Variants in NGEF observed in about 807,000 individuals in gnomAD.
NGEF encodes the protein neuronal guanine nucleotide exchange factor, also known as ephexin-1.
A neutral mutation model predicts 80.9 loss-of-function variants in NGEF; 31 were observed. That is an observed-to-expected ratio of 0.38 (90% CI 0.29 to 0.52). NGEF has a LOEUF of 0.52. Among genes scored for constraint, NGEF ranks in the 20% least tolerant of loss-of-function variants. The probability of loss-of-function intolerance (pLI) is 0.84; values close to 1 mark genes in which losing one functional copy is unlikely to be tolerated. For missense variants in NGEF, 709 were observed against 926.2 expected (o/e 0.77, Z 3.04); for synonymous variants, 371 against 370.2 (o/e 1.00, Z -0.03).
chr2:232,994,909 ACATG>A (rs965490098), intron 1 of NGEF, among the ~76,000 whole-genome samples: 5 of 144,354 alleles, frequency 3.5e-5, no homozygotes, highest in African/African-American at 1.3e-4. Context: ...ACATACATAC[ACATG>A]TATTATATAC....
intron 5 of NGEF, among the ~76,000 whole-genome samples, chr2:232,918,809 A>C (rs966349048): frequency 1.3e-5 from 2 of 151,546 alleles, no homozygotes; most frequent in Non-Finnish European, 2.9e-5. Context: ...TTGTATTTTT[A>C]GTAGAGACTG....
chr2:232,987,953 C>T (rs2106332001), intron 1 of NGEF, among the ~76,000 whole-genome samples: 1 of 151,752 alleles, frequency 6.6e-6, no homozygotes, highest in East Asian at 2.0e-4. Flanking sequence ...AATAGGAGAC[C>T]CAAGCTGGAG....
In NGEF at chr2:233,003,101, G is replaced by A. The variant is rs567582471; in HGVS notation, c.-75+9967C>T. On this transcript the variant is annotated intron_variant, in intron 1 of 14. Transcript: ENST00000264051. ...TCCTGCAGTCCTTTTTAGCTGACAC[G>A]TGATTGCCCATGCCCAGGAATCCAT... Among the ~76,000 whole-genome samples the A allele has an allele frequency of 2.6e-4, 39 of 152,308 alleles. 1 individual carries two copies. Among genetic ancestry groups the A allele is most frequent in the Middle Eastern group, 3.4e-3 (1 of 294 alleles).
At chr2:232,988,039 G>C (rs865977197) in intron 1 of NGEF, among the ~76,000 whole-genome samples, 22,762 of 116,446 alleles carry the variant, frequency 0.2, 2,215 homozygotes, top group Non-Finnish European at 0.21. Context: ...ATGGTCTCGT[G>C]TGTGTGTGTG....
intron 3 of NGEF, among the ~76,000 whole-genome samples, chr2:232,935,178 C>T (rs1693304278): frequency 6.6e-6 from 1 of 152,130 alleles, no homozygotes; most frequent in Non-Finnish European, 1.5e-5. Context: ...TAAATTCAGC[C>T]TTCAGGAGTT....
At position 232,988,913 on chromosome 2, in the gene NGEF, T is replaced by A. The variant is rs1694596461; in HGVS notation, c.-74-13949A>T. ...GAAAAAAAGCAAGAATAGAAGAGTA[T>A]ATTTTGTATGTTTCTATCAGCATAA... is the stretch of plus-strand genomic sequence containing the variant. On this transcript the variant is annotated intron_variant, in intron 1 of 14. Transcript: ENST00000264051. Among the ~76,000 whole-genome samples the A allele has an allele frequency of 3.3e-5, 5 of 152,314 alleles. No individual in the cohort carries two copies. In the South Asian group the frequency reaches 1.0e-3, roughly 32 times the overall value.
chr2:232,950,893 G>A (rs944155566), intron 3 of NGEF, among the ~76,000 whole-genome samples: 2 of 152,198 alleles, frequency 1.3e-5, no homozygotes, highest in Non-Finnish European at 2.9e-5. Context: ...AACATGGAAG[G>A]GGAACAGCTG....
At chr2:232,987,127 C>A (rs987091984) in intron 1 of NGEF, among the ~76,000 whole-genome samples, 3 of 152,166 alleles carry the variant, frequency 2.0e-5, no homozygotes, top group African/African-American at 7.2e-5. Flanking sequence ...AGTGATTTTC[C>A]TGCCTCAGCC....
rs773087145 is a variant in NGEF, at chr2:232,881,149, C to T, written c.1939G>A (p.Asp647Asn). Residue 647 changes from aspartate to asparagine, a missense_variant, in exon 14 of 15, where the codon GAC (aspartate) becomes AAC (asparagine). Transcript: ENST00000264051. ...AGGGGAGGTCCCTGGGCCTCACCGTCGTCAGTCTTGTCCAGGATGTTGAGG... is the reference window on the plus strand; with the variant it reads ...AGGGGAGGTCCCTGGGCCTCACCGTTGTCAGTCTTGTCCAGGATGTTGAGG... ...DILNILDKTD[D>N]GWIFGERLHD... The T allele has an allele frequency of 6.2e-6, 10 of 1,612,022 alleles. No individual in the cohort carries two copies. Among genetic ancestry groups the T allele is most frequent in the South Asian group, 1.1e-5 (1 of 91,074 alleles).
chr2:232,995,702 A>T (rs1463928765), intron 1 of NGEF, among the ~76,000 whole-genome samples: 1 of 143,170 alleles, frequency 7.0e-6, no homozygotes, highest in Non-Finnish European at 1.5e-5. Context: ...TGTATGTATT[A>T]TATGTGTATA....
chr2:233,011,786 G>A (rs1447503811), intron 1 of NGEF, among the ~76,000 whole-genome samples: 3 of 152,156 alleles, frequency 2.0e-5, no homozygotes, highest in African/African-American at 7.2e-5. Flanking sequence ...AGCCTCATCT[G>A]TGTCCCCAGC....
chr2:232,897,887 C>T (rs2106241463), intron 5 of NGEF, among the ~76,000 whole-genome samples: 1 of 152,208 alleles, frequency 6.6e-6, no homozygotes, highest in East Asian at 1.9e-4. Context: ...CTGAAATGAG[C>T]CTGTGGCCTC....
chr2:232,931,110 G>A (rs1334615369), intron 3 of NGEF, among the ~76,000 whole-genome samples: 1 of 152,190 alleles, frequency 6.6e-6, no homozygotes, highest in African/African-American at 2.4e-5. Flanking sequence ...AAGAGAGAGA[G>A]GAAGGAAGGA....
At position 232,879,344 on chromosome 2, in the gene NGEF, C is replaced by T. The variant is rs1220713916; in HGVS notation, c.*145G>A. 5 of 753,622 alleles carry T rather than the reference C, an allele frequency of 6.6e-6. No homozygotes were observed. The highest frequency in any genetic ancestry group is 2.6e-5 in the Admixed American group (1 of 38,024). 46.7% of individuals were successfully genotyped at this position (753,622 alleles called of 1,614,324 possible). On this transcript the variant is annotated 3_prime_UTR_variant, in exon 15 of 15. Coordinates refer to ENST00000264051, the MANE Select transcript of NGEF (RefSeq NM_019850.3). ...GGCCAAGACACATGAGCACTCACTGCGTGGGCAGGGATGAGGGCCGGGCAC... is the reference window on the plus strand; with the variant it reads ...GGCCAAGACACATGAGCACTCACTGTGTGGGCAGGGATGAGGGCCGGGCAC...
At chr2:232,917,043 C>T (rs537968293) in intron 5 of NGEF, among the ~76,000 whole-genome samples, 24 of 152,318 alleles carry the variant, frequency 1.6e-4, no homozygotes, top group African/African-American at 5.5e-4. Flanking sequence ...TTGCATTCCT[C>T]GAACTTATTC....
intron 14 of NGEF, 152 bp from the exon 15 acceptor site, chr2:232,879,831 G>T (rs375781853): frequency 1.5e-6 from 1 of 663,640 alleles, no homozygotes. Flanking sequence ...CACCTCTGCC[G>T]AGATGCTCAG....
chr2:232,906,269 G>A lies in NGEF; in HGVS notation c.829-11353C>T, dbSNP rs1004631614. 7.6e-3 allele frequency among the ~76,000 whole-genome samples: 959 copies of A among 126,396 alleles called. 13 individuals carry two copies. The highest frequency in any genetic ancestry group is 0.015 in the Middle Eastern group (3 of 202). 82.9% of individuals were successfully genotyped at this position (126,396 alleles called of 152,430 possible). A position where few individuals can be genotyped will look rare whatever the true frequency, so the allele number is the denominator to read the frequency against. On this transcript the variant is annotated intron_variant, in intron 5 of 14. Coordinates refer to ENST00000264051, the MANE Select transcript of NGEF (RefSeq NM_019850.3). ...AGCCGCCCCATCCGGGAGGTGAGGG[G>A]CGCCTCTGCCCGGCAGCCCCTACTG... is the stretch of plus-strand genomic sequence containing the variant.
intron 1 of NGEF, among the ~76,000 whole-genome samples, chr2:232,983,526 C>T (rs944945903): frequency 1.3e-5 from 2 of 152,092 alleles, no homozygotes; most frequent in African/African-American, 4.8e-5. Flanking sequence ...CAGAGGCCTG[C>T]AGGAGGGAAG....
intron 3 of NGEF, among the ~76,000 whole-genome samples, chr2:232,964,870 C>A (rs1279619073): frequency 6.6e-6 from 1 of 152,160 alleles, no homozygotes; most frequent in African/African-American, 2.4e-5. Flanking sequence ...ATGGTTACGT[C>A]TGAGAGTTGG....
Sources: allele counts gnomAD v4.1 joint callset (sites outside exome capture counted in the v4.1 genomes callset), GRCh38; gene constraint gnomAD v4.1.1; transcripts MANE v1.5; gene names NCBI Gene and HGNC (gene_info 2026-07-23, HGNC 2026-07-21).